The following GPC6 variants were observed in gnomAD, a reference collection of about 807,000 sequenced individuals.
The protein encoded by GPC6 is glypican-6.
A neutral mutation model predicts 55.2 loss-of-function variants in GPC6; 14 were observed. The observed-to-expected ratio is 0.25, with a 90% CI of 0.17 to 0.40. The LOEUF (loss-of-function observed/expected upper bound fraction) is 0.40. GPC6 is among the 10% of genes least tolerant of loss of function. The pLI is 1.00. For missense variants in GPC6, 641 were observed against 708.5 expected, an observed-to-expected ratio of 0.90 and a Z score of 1.08; for synonymous variants, 278 against 259.6, an observed-to-expected ratio of 1.07 and a Z score of -0.68.
chr13:93,721,830 C>G (rs1883464375), intron 2 of GPC6, among the ~76,000 whole-genome samples: 1 of 151,658 alleles, frequency 6.6e-6, no homozygotes, highest in Non-Finnish European at 1.5e-5. Context: ...ATCATGACAT[C>G]CACATATTAA....
chr13:94,034,592 T>C (rs1035246782), intron 4 of GPC6, among the ~76,000 whole-genome samples: 1 of 152,074 alleles, frequency 6.6e-6, no homozygotes, highest in Non-Finnish European at 1.5e-5. Flanking sequence ...CTGGATACAA[T>C]AGGCAAGTCG....
intron 4 of GPC6, among the ~76,000 whole-genome samples, chr13:94,032,085 C>G (rs1883162102): frequency 6.6e-6 from 1 of 152,086 alleles, no homozygotes; most frequent in Non-Finnish European, 1.5e-5. Context: ...CTTTTTATCC[C>G]TAAGTGTTAG....
intron 4 of GPC6, among the ~76,000 whole-genome samples, chr13:94,228,622 T>G (rs1333245): frequency 0.7 from 106,507 of 151,720 alleles, 37,486 homozygotes; most frequent in East Asian, 0.83. Flanking sequence ...GAAGGTGAAG[T>G]TATCCCAGAG....
At chr13:93,654,837 ATTTT>A (rs1255934947) in intron 2 of GPC6, among the ~76,000 whole-genome samples, 1 of 135,498 alleles carries the variant, frequency 7.4e-6, no homozygotes, top group African/African-American at 2.7e-5. Flanking sequence ...ACATAACCAG[ATTTT>A]TTTTTTTTTT....
At chr13:93,229,379 T>G (rs1875931846) in intron 1 of GPC6, among the ~76,000 whole-genome samples, 1 of 152,166 alleles carries the variant, frequency 6.6e-6, no homozygotes, top group Admixed American at 6.6e-5. Context: ...ACAAGATATT[T>G]CCCAACATGA....
intron 4 of GPC6, chr13:94,187,365 A>G (rs940686793): frequency 6.6e-6 from 1 of 152,234 alleles, no homozygotes; most frequent in Non-Finnish European, 1.5e-5. Flanking sequence ...ATTCAAATTT[A>G]TGGTAAAGCT....
intron 4 of GPC6, among the ~76,000 whole-genome samples, chr13:94,130,329 C>G (rs1310683236): frequency 6.6e-6 from 1 of 151,844 alleles, no homozygotes; most frequent in Non-Finnish European, 1.5e-5. Flanking sequence ...TGATAGGATC[C>G]AAAAGGAACA....
intron 1 of GPC6, among the ~76,000 whole-genome samples, chr13:93,494,524 T>C (rs1880173497): frequency 6.6e-6 from 1 of 152,206 alleles, no homozygotes; most frequent in Admixed American, 6.5e-5. Flanking sequence ...TCCATTTACA[T>C]TTAAAGTTAA....
intron 1 of GPC6, among the ~76,000 whole-genome samples, chr13:93,380,662 A>AG (rs200881447): frequency 0.016 from 2,423 of 152,216 alleles, 53 homozygotes; most frequent in African/African-American, 0.054. Flanking sequence ...CTTTAGATAT[A>AG]GGTAAGGGAA....
intron 6 of GPC6, among the ~76,000 whole-genome samples, chr13:94,332,708 C>T (rs1018474933): frequency 2.6e-5 from 4 of 152,114 alleles, no homozygotes; most frequent in Non-Finnish European, 5.9e-5. Flanking sequence ...AGATTATTTT[C>T]GAAAAGGTTT....
At chr13:93,602,476 G>C (rs1878057239) in intron 2 of GPC6, among the ~76,000 whole-genome samples, 1 of 152,148 alleles carries the variant, frequency 6.6e-6, no homozygotes, top group South Asian at 2.1e-4. Flanking sequence ...AGAAAGTCCA[G>C]CTCCAGGGGG....
intron 2 of GPC6, among the ~76,000 whole-genome samples, chr13:93,637,134 A>G (rs184388944): frequency 2.1e-4 from 32 of 152,268 alleles, no homozygotes; most frequent in Non-Finnish European, 1.8e-4. Context: ...ATCAATGCTA[A>G]CATTCTCTAA....
In GPC6 at chr13:94,365,943, T is replaced by C. The variant is rs147232580; in HGVS notation, c.1153-16471T>C. Among the ~76,000 whole-genome samples the C allele has an allele frequency of 2.0e-5, 3 of 152,332 alleles. No homozygotes were observed. In the East Asian group the frequency reaches 5.8e-4, roughly 29 times the overall value. ...TGGAATTAAATAACGAATTCTAAAA[T>C]ATTCAGGAATGCCTAAACTTGAAGT... On this transcript the variant is annotated intron_variant, in intron 6 of 8. Coordinates refer to ENST00000377047, the MANE Select transcript of GPC6 (RefSeq NM_005708.5).
At chr13:93,700,983 A>G (rs190104805) in intron 2 of GPC6, among the ~76,000 whole-genome samples, 7 of 152,254 alleles carry the variant, frequency 4.6e-5, no homozygotes, top group African/African-American at 1.2e-4. Context: ...TTTTGCAGAG[A>G]TCAAATGTAA....
chr13:93,882,102 C>CTTTCTTTCTTTTT (rs1875020785), intron 3 of GPC6, among the ~76,000 whole-genome samples: 2 of 148,252 alleles, frequency 1.3e-5, no homozygotes. Context: ...TCTTTCTTTT[C>CTTTCTTTCTTTTT]TTTCGCGGAT....
At chr13:94,083,324 T>C (rs181115349) in intron 4 of GPC6, among the ~76,000 whole-genome samples, 27 of 152,320 alleles carry the variant, frequency 1.8e-4, no homozygotes, top group South Asian at 1.0e-3. Context: ...TTCACCGTGT[T>C]AGCCAGGATG....
At chr13:94,312,450 G>T (rs1399460967) in intron 6 of GPC6, among the ~76,000 whole-genome samples, 1 of 152,144 alleles carries the variant, frequency 6.6e-6, no homozygotes, top group African/African-American at 2.4e-5. Flanking sequence ...CCTCTTTGGG[G>T]CTGTTTTGGT....
chr13:93,823,222 TATA>T (rs150225291), intron 2 of GPC6, among the ~76,000 whole-genome samples: 58,585 of 151,718 alleles, frequency 0.39, 12,288 homozygotes, highest in African/African-American at 0.56. Context: ...CAATTTATAT[TATA>T]TAAATATGAA....
chr13:93,290,398 C>G (rs942620328), intron 1 of GPC6, among the ~76,000 whole-genome samples: 1 of 152,034 alleles, frequency 6.6e-6, no homozygotes, highest in Non-Finnish European at 1.5e-5. Context: ...TCCACCCTTA[C>G]GTTCTTATTT....
Sources: allele counts gnomAD v4.1 joint callset (sites outside exome capture counted in the v4.1 genomes callset), GRCh38; gene constraint gnomAD v4.1.1; transcripts MANE v1.5; gene names NCBI Gene and HGNC (gene_info 2026-07-23, HGNC 2026-07-21).